TP53AIP1: variants seen among roughly 807,000 people sequenced by gnomAD.
TP53AIP1 encodes the protein p53-regulated apoptosis-inducing protein 1.
A neutral mutation model predicts 9.5 loss-of-function variants in TP53AIP1; 14 were observed. That is an observed-to-expected ratio of 1.47 (90% confidence interval 0.97 to 2.30). TP53AIP1 has a LOEUF of 2.30. TP53AIP1 is among the 30% of genes most tolerant of loss of function. TP53AIP1 has a pLI of 0.00. For missense variants in TP53AIP1, 153 were observed against 146.7 expected, an observed-to-expected ratio of 1.04 and a Z score of -0.22; for synonymous variants, 73 against 61.2, an observed-to-expected ratio of 1.19 and a Z score of -0.90.
intron 1 of TP53AIP1, among the ~76,000 whole-genome samples, chr11:128,940,685 G>T (rs539737334): frequency 6.6e-6 from 1 of 152,208 alleles, no homozygotes; most frequent in Non-Finnish European, 1.5e-5. Flanking sequence ...CACTCTCCGG[G>T]GTTGTGTGAG....
At position 128,939,730 on chromosome 11, in the gene TP53AIP1, G is replaced by A. The variant is rs576783235; in HGVS notation, c.-76-1836C>T. On this transcript the variant is annotated intron_variant, in intron 1 of 3. Transcript: ENST00000531399. The surrounding 1 kb of genome is among the most constrained non-coding windows in gnomAD (Gnocchi z 4.1). Reference sequence around the variant, plus strand: ...GGCTCTTCTGGAAACACGATGCCTCGGTGCCATGAAATGACAGCTGCTTCT... The same window carrying A: ...GGCTCTTCTGGAAACACGATGCCTCAGTGCCATGAAATGACAGCTGCTTCT... Among the ~76,000 whole-genome samples the A allele has an allele frequency of 2.0e-5, 3 of 152,166 alleles. No individual in the cohort carries two copies. The highest frequency in any genetic ancestry group is 4.4e-5 in the Non-Finnish European group (3 of 68,036).
At chr11:128,936,904 T>A (rs1241111661) in intron 2 of TP53AIP1, 1 of 1,266,048 alleles carries the variant, frequency 7.9e-7, no homozygotes, top group Non-Finnish European at 1.0e-6. Flanking sequence ...AGAACAGACA[T>A]AAACCGGCGC....
chr11:128,941,612 C>T (rs10893935), intron 1 of TP53AIP1, among the ~76,000 whole-genome samples: 42,644 of 152,200 alleles, frequency 0.28, 6,442 homozygotes, highest in Middle Eastern at 0.38. Context: ...TCCCCGGTTC[C>T]GACATTTCTT....
intron 3 of TP53AIP1, chr11:128,936,266 T>C: frequency 1.7e-6 from 2 of 1,192,946 alleles, no homozygotes; most frequent in Non-Finnish European, 2.1e-6. Context: ...CTATGGCCCA[T>C]TCCAGAAAGT....
downstream of TP53AIP1, chr11:128,935,024 G>T (rs1462317592): frequency 2.8e-6 from 2 of 703,128 alleles, no homozygotes; most frequent in Non-Finnish European, 5.2e-6. Context: ...CTGCACACAG[G>T]CCAGGCAAGC....
Position 128,937,200 on chromosome 11 carries a change from G to A in TP53AIP1, c.141+478C>T, listed in dbSNP as rs111659204. ...ATCTTCATTATTGGCCACAGGAAAC[G>A]ACTTCTTGGAGTAAGTGACTGGTGC... is the stretch of plus-strand genomic sequence containing the variant. On this transcript the variant is annotated intron_variant, in intron 2 of 3. Transcript: ENST00000531399. This position sits in a 1 kb window ranked among gnomAD's most constrained non-coding sequence, Gnocchi z 4.8. The A allele has an allele frequency of 1.1e-4, 126 of 1,175,934 alleles. No homozygotes were observed. The highest frequency in any genetic ancestry group is 1.2e-4 in the Non-Finnish European group (115 of 949,944). 72.8% of individuals were successfully genotyped at this position (1,175,934 alleles called of 1,614,324 possible).
At chr11:128,938,139 G>A (rs140061223) in intron 1 of TP53AIP1, among the ~76,000 whole-genome samples, 139 of 152,304 alleles carry the variant, frequency 9.1e-4, no homozygotes, top group African/African-American at 3.2e-3. Flanking sequence ...GAGCGTTGTC[G>A]TTAACTGGTC....
At position 128,939,959 on chromosome 11, in the gene TP53AIP1, C is replaced by T. The variant is rs1160758857; in HGVS notation, c.-76-2065G>A. ...TCAGGTTGCACACGGCCAGTGGTCC[C>T]GGGATATCCAGGGAGCCACTCAGAG... On this transcript the variant is annotated intron_variant, in intron 1 of 3. Transcript: ENST00000531399. The surrounding 1 kb of genome is among the most constrained non-coding windows in gnomAD (Gnocchi z 4.1). 1.3e-5 allele frequency among the ~76,000 whole-genome samples: 2 copies of T among 152,152 alleles called. No homozygotes were observed. Among genetic ancestry groups the T allele is most frequent in the Non-Finnish European group, 2.9e-5 (2 of 68,028 alleles).
chr11:128,934,817 AG>A (rs1944777496), downstream of TP53AIP1: 2 of 572,142 alleles, frequency 3.5e-6, no homozygotes, highest in African/African-American at 3.8e-5. Flanking sequence ...AAGGGAGAAA[AG>A]CCAGTGCAGG....
intron 1 of TP53AIP1, among the ~76,000 whole-genome samples, chr11:128,940,143 T>C (rs939423789): frequency 8.5e-5 from 13 of 152,134 alleles, no homozygotes; most frequent in Admixed American, 2.6e-4. Flanking sequence ...TGGTCTATTA[T>C]CACAAAGAAC....
chr11:128,936,034 T>C, intron 3 of TP53AIP1: 1 of 791,466 alleles, frequency 1.3e-6, no homozygotes, highest in Non-Finnish European at 1.6e-6. Context: ...ACCCACACAG[T>C]GAATCTGTGA....
chr11:128,942,661 T>C (rs988160567), intron 1 of TP53AIP1, 133 bp downstream of exon 1: 4 of 152,270 alleles, frequency 2.6e-5, no homozygotes, highest in Non-Finnish European at 4.4e-5. Flanking sequence ...CACCTGCGCA[T>C]GGTCACGACT....
At chr11:128,936,103 G>T in intron 3 of TP53AIP1, 1 of 882,442 alleles carries the variant, frequency 1.1e-6, no homozygotes, top group Non-Finnish European at 1.4e-6. Flanking sequence ...AGGCAGGCCA[G>T]TTGTCCTGCC....
chr11:128,940,191 C>T (rs1330361226), intron 1 of TP53AIP1, among the ~76,000 whole-genome samples: 2 of 152,200 alleles, frequency 1.3e-5, no homozygotes, highest in Non-Finnish European at 1.5e-5. Context: ...CCTTAGAGGG[C>T]ACAAGGGGCC....
At chr11:128,941,215 G>A (rs1026787693) in intron 1 of TP53AIP1, among the ~76,000 whole-genome samples, 2 of 152,298 alleles carry the variant, frequency 1.3e-5, no homozygotes, top group East Asian at 1.9e-4. Context: ...CCTGGGGAAA[G>A]CCCACCACTG....
chr11:128,934,821 A>G, downstream of TP53AIP1: 1 of 575,754 alleles, frequency 1.7e-6, no homozygotes, highest in Non-Finnish European at 3.1e-6. Context: ...GAGAAAAGCC[A>G]GTGCAGGTTG....
At chr11:128,935,783 T>C in intron 3 of TP53AIP1, 71 bp from the exon 4 acceptor site, 1 of 1,437,634 alleles carries the variant, frequency 7.0e-7, no homozygotes, top group South Asian at 1.6e-5. Context: ...AAATATCATG[T>C]TACAGACCAG....
intron 1 of TP53AIP1, 87 bp downstream of exon 1, chr11:128,942,705 GAA>G (rs886925121): frequency 2.6e-5 from 4 of 152,346 alleles, no homozygotes; most frequent in African/African-American, 9.7e-5. Flanking sequence ...AGATGCGTGT[GAA>G]ACCCCAAGCA....
Position 128,937,758 on chromosome 11 carries a change from T to G in TP53AIP1, c.61A>C (p.Arg21=), listed in dbSNP as rs200155588. Residue 21 remains arginine, a synonymous_variant, in exon 2 of 4, where the codon AGG becomes CGG. Transcript: ENST00000531399. The surrounding 1 kb of genome is among the most constrained non-coding windows in gnomAD (Gnocchi z 4.8). Reference sequence around the variant, plus strand: ...TGGTCTCCCCTGCCCAGGCCCTGCCTCCTGGCCCCACTGCAGGAAGCTTGA... The same window carrying G: ...TGGTCTCCCCTGCCCAGGCCCTGCCGCCTGGCCCCACTGCAGGAAGCTTGA... ...SAQASCSGAR[R]QGLGRGDQNL... is the part of the protein sequence containing the mutation. The G allele has an allele frequency of 4.8e-3, 7,714 of 1,613,850 alleles. 30 individuals carry two copies. The highest frequency in any genetic ancestry group is 5.8e-3 in the Non-Finnish European group (6,887 of 1,179,996).
Sources: gnomAD v4.1 joint callset for allele counts (sites outside exome capture counted in the v4.1 genomes callset) on GRCh38, gnomAD v4.1.1 for gene constraint, Gnocchi (gnomAD v3.1) non-coding constraint, MANE v1.5 for transcripts, NCBI Gene and HGNC (gene_info 2026-07-23, HGNC 2026-07-21) for gene names.